Variants in ATP8B4 observed in about 807,000 individuals in gnomAD.
ATP8B4 encodes the protein probable phospholipid-transporting ATPase IM.
In ATP8B4, 133 loss-of-function variants were observed where a neutral mutation model predicts 145.6. The observed-to-expected ratio is 0.91, with a 90% CI of 0.79 to 1.05. The LOEUF is 1.05. Ranked by LOEUF, ATP8B4 falls within the 50% of genes least tolerant of loss-of-function variation. ATP8B4 has a pLI of 0.00. For synonymous variants in ATP8B4, 507 were observed against 492.9 expected (o/e 1.03, Z -0.38); for missense variants, 1,458 against 1,425.2 (o/e 1.02, Z -0.37).
chr15:49,995,778 A>G (rs1368154773), intron 9 of ATP8B4, among the ~76,000 whole-genome samples: 1 of 152,294 alleles, frequency 6.6e-6, no homozygotes, highest in East Asian at 1.9e-4. Context: ...AAATAAAGCC[A>G]ATCTGTATGG....
intron 20 of ATP8B4, among the ~76,000 whole-genome samples, chr15:49,908,882 C>T (rs911123828): frequency 6.6e-6 from 1 of 152,138 alleles, no homozygotes; most frequent in Admixed American, 6.5e-5. Flanking sequence ...GGCTACCTTA[C>T]ATATAGCTGC....
intron 6 of ATP8B4, chr15:50,018,938 C>A (rs12591825): frequency 0.49 from 599,773 of 1,230,510 alleles, 158,779 homozygotes; most frequent in East Asian, 1. Context: ...TACCAGAGTA[C>A]TTCCTGTCAT....
At chr15:50,139,127 C>T (rs1460193041) in intron 1 of ATP8B4, among the ~76,000 whole-genome samples, 1 of 152,176 alleles carries the variant, frequency 6.6e-6, no homozygotes, top group Admixed American at 6.5e-5. Flanking sequence ...ACTAAAAAGA[C>T]ACATGCACAC....
intron 3 of ATP8B4, among the ~76,000 whole-genome samples, chr15:50,072,922 C>G (rs1375983404): frequency 1.3e-4 from 1 of 7,418 alleles, no homozygotes; most frequent in African/African-American, 5.3e-4. Flanking sequence ...TGTGCCCGGC[C>G]TCTCTCTCTC....
At chr15:49,898,916 T>C (rs1033618670) in intron 21 of ATP8B4, among the ~76,000 whole-genome samples, 6 of 152,198 alleles carry the variant, frequency 3.9e-5, no homozygotes, top group African/African-American at 1.4e-4. Context: ...CTAAAAAAGA[T>C]AGCACAATCC....
intron 1 of ATP8B4, among the ~76,000 whole-genome samples, chr15:50,164,229 A>T (rs1257903664): frequency 6.6e-6 from 1 of 152,160 alleles, no homozygotes; most frequent in African/African-American, 2.4e-5. Context: ...CCACAGGGGA[A>T]TGTGTTGGGT....
intron 6 of ATP8B4, among the ~76,000 whole-genome samples, chr15:50,019,356 C>T (rs765661467): frequency 3.9e-5 from 6 of 152,124 alleles, no homozygotes; most frequent in Non-Finnish European, 5.9e-5. Flanking sequence ...CTACCAAAAC[C>T]GGCTCTTATC....
Position 49,972,644 on chromosome 15 carries a change from G to C in ATP8B4, c.1181C>G (p.Thr394Arg), listed in dbSNP as rs200382600. Residue 394 changes from threonine (T) to arginine (R), a missense_variant, in exon 13 of 28, where the codon ACG (threonine) becomes AGG (arginine). Thr to Arg is a moderately conservative substitution (Grantham distance 71). Transcript: ENST00000284509. ...CATGATGTTTTGAGTGAGGGTACCC[G>C]TTTTGTCGGAGAAAATGTACTCAAT... ...GQIEYIFSDK[T>R]GTLTQNIMTF... 3 of 1,613,892 alleles carry C rather than the reference G, an allele frequency of 1.9e-6. No individual in the cohort carries two copies. Among genetic ancestry groups the C allele is most frequent in the Non-Finnish European group, 2.5e-6 (3 of 1,179,972 alleles).
At chr15:49,988,696 C>G (rs564417479) in intron 9 of ATP8B4, among the ~76,000 whole-genome samples, 1 of 152,124 alleles carries the variant, frequency 6.6e-6, no homozygotes, top group South Asian at 2.1e-4. Flanking sequence ...AGAAAGGGGA[C>G]CACGTCAGCC....
intron 5 of ATP8B4, among the ~76,000 whole-genome samples, chr15:50,039,721 C>A (rs1276951832): frequency 2.0e-5 from 3 of 147,914 alleles, no homozygotes; most frequent in East Asian, 3.9e-4. Flanking sequence ...AGAATGTTTT[C>A]TTTTTTTCTT....
chr15:50,140,902 C>G (rs2044198023), intron 1 of ATP8B4, among the ~76,000 whole-genome samples: 1 of 152,118 alleles, frequency 6.6e-6, no homozygotes, highest in South Asian at 2.1e-4. Flanking sequence ...AATGTGCAGG[C>G]AACTTTGGGA....
chr15:50,145,054 G>T (rs2044259572), intron 1 of ATP8B4, among the ~76,000 whole-genome samples: 1 of 152,170 alleles, frequency 6.6e-6, no homozygotes, highest in African/African-American at 2.4e-5. Flanking sequence ...TTAACCAGGG[G>T]TATGGTATTA....
At chr15:50,125,170 C>T (rs2057299071) in intron 1 of ATP8B4, among the ~76,000 whole-genome samples, 1 of 152,104 alleles carries the variant, frequency 6.6e-6, no homozygotes, top group East Asian at 1.9e-4. Context: ...AGTAGTAGAA[C>T]AATGAACCCG....
In ATP8B4 at chr15:49,920,402, T is replaced by G; in HGVS notation, c.1767A>C (p.Ala589=). ...SLTSDHLSEF[A]GEGLRTLAIA... ...TGGCCAAGGTCCGAAGGCCTTCCCC[T>G]GCAAATTCCTGCCAGAGATGACATA... is the stretch of plus-strand genomic sequence containing the variant. Residue 589 remains alanine (A), a synonymous_variant, in exon 18 of 28, where the codon GCA becomes GCC. Coordinates refer to ENST00000284509, the MANE Select transcript of ATP8B4 (RefSeq NM_024837.4). 1 of 1,612,138 alleles carries G rather than the reference T, an allele frequency of 6.2e-7. No homozygotes were observed. Among genetic ancestry groups the G allele is most frequent in the Non-Finnish European group, 8.5e-7 (1 of 1,179,242 alleles).
Position 49,999,804 on chromosome 15 carries a change from G to A in ATP8B4, c.506+2349C>T, listed in dbSNP as rs543479744. Among the ~76,000 whole-genome samples the A allele has an allele frequency of 1.1e-4, 16 of 152,106 alleles. No individual in the cohort carries two copies. The South Asian group carries it at 3.1e-3, about 30-fold the overall frequency. On this transcript the variant is annotated intron_variant, in intron 8 of 27. Coordinates refer to ENST00000284509, the MANE Select transcript of ATP8B4 (RefSeq NM_024837.4). ...AGATACAGAACACTTCTATCACTGC[G>A]GGATCCCTCAGGTTGTGCTCCATAG... is the stretch of plus-strand genomic sequence containing the variant.
At chr15:50,112,452 A>G (rs2056991403) in intron 1 of ATP8B4, among the ~76,000 whole-genome samples, 1 of 152,202 alleles carries the variant, frequency 6.6e-6, no homozygotes, top group South Asian at 2.1e-4. Context: ...AAGGGACCCA[A>G]TATGGAACAT....
At chr15:49,896,516 T>A (rs1209871248) in intron 23 of ATP8B4, 2 of 152,188 alleles carry the variant, frequency 1.3e-5, no homozygotes, top group African/African-American at 4.8e-5. Context: ...GAAGAACAAT[T>A]GAATAAATCT....
intron 14 of ATP8B4, among the ~76,000 whole-genome samples, chr15:49,937,834 T>C (rs919391502): frequency 3.9e-5 from 6 of 152,158 alleles, no homozygotes; most frequent in African/African-American, 1.4e-4. Context: ...TGCTTTGAAA[T>C]AGGCAGTGAA....
At chr15:49,947,468 G>T (rs1471462145) in intron 14 of ATP8B4, among the ~76,000 whole-genome samples, 1 of 148,946 alleles carries the variant, frequency 6.7e-6, no homozygotes, top group Admixed American at 6.7e-5. Flanking sequence ...AAACATTGAT[G>T]AAAGCAATTA....
Sources: gnomAD v4.1 joint callset for allele counts (sites outside exome capture counted in the v4.1 genomes callset) on GRCh38, gnomAD v4.1.1 for gene constraint, MANE v1.5 for transcripts, NCBI Gene and HGNC (gene_info 2026-07-23, HGNC 2026-07-21) for gene names.